XRN2: variants seen among roughly 807,000 people sequenced by gnomAD.
XRN2 encodes DHM1-like protein.
A neutral mutation model predicts 138.5 loss-of-function variants in XRN2; 44 were observed. That is an observed-to-expected ratio of 0.32 (90% CI 0.25 to 0.41). XRN2 has a LOEUF of 0.41. XRN2 is among the 10% of genes least tolerant of loss of function. The pLI is 1.00. For synonymous variants in XRN2, 354 were observed against 369.4 expected (o/e 0.96, Z 0.48); for missense variants, 937 against 1,169.3 (o/e 0.80, Z 2.90).
chr20:21,349,365 T>C, intron 19 of XRN2, 24 bp from the exon 20 acceptor site: 1 of 1,465,454 alleles, frequency 6.8e-7, no homozygotes, highest in Non-Finnish European at 9.5e-7. Context: ...CTGTTTTGAT[T>C]CTTTACTTTT....
chr20:21,375,829 T>TATTTATTTATTTA lies in XRN2; in HGVS notation c.2585-6165_2585-6164insATTTATTTATTTA, dbSNP rs59239603. 2.9e-4 allele frequency among the ~76,000 whole-genome samples: 39 copies of TATTTATTTATTTA among 135,974 alleles called. No individual in the cohort carries two copies. In the East Asian group the frequency reaches 3.6e-3, roughly 13 times the overall value. 89.2% of individuals were successfully genotyped at this position (135,974 alleles called of 152,430 possible). ...AGGTGTTTTTATTTATTTATTTATT[T>TATTTATTTATTTA]TTTATTTATTTATTTATTTATTTAT... On this transcript the variant is annotated intron_variant, in intron 27 of 29. Transcript: ENST00000377191.
chr20:21,380,618 G>A (rs2038873053), intron 27 of XRN2, among the ~76,000 whole-genome samples: 1 of 152,200 alleles, frequency 6.6e-6, no homozygotes, highest in Non-Finnish European at 1.5e-5. Flanking sequence ...TTGACTGCTA[G>A]TAGTTTGGTT....
intron 3 of XRN2, among the ~76,000 whole-genome samples, chr20:21,327,711 CA>C (rs755139236): frequency 1.2e-4 from 19 of 152,278 alleles, no homozygotes; most frequent in East Asian, 7.7e-4. Flanking sequence ...TTTATACACA[CA>C]TTTTTTTGTT....
At chr20:21,362,937 AGAAGGGCT>A (rs993381419) in intron 24 of XRN2, among the ~76,000 whole-genome samples, 2 of 152,144 alleles carry the variant, frequency 1.3e-5, no homozygotes, top group Non-Finnish European at 2.9e-5. Flanking sequence ...ATCCCCATTG[AGAAGGGCT>A]GCTCCAGTAA....
In XRN2 at chr20:21,332,448, C is replaced by T; in HGVS notation, c.858+8C>T. The T allele has an allele frequency of 1.3e-6, 2 of 1,581,214 alleles. No individual in the cohort carries two copies. Among genetic ancestry groups the T allele is most frequent in the Non-Finnish European group, 1.7e-6 (2 of 1,166,416 alleles). Reference sequence around the variant, plus strand: ...AGAGAAAAGAAGGGAAAGGTAAGAACTTTGAGATGGTAGTTGCCTCATTAA... The same window carrying T: ...AGAGAAAAGAAGGGAAAGGTAAGAATTTTGAGATGGTAGTTGCCTCATTAA... On this transcript the variant is annotated splice_region_variant and intron_variant, in intron 9 of 29. Coordinates refer to ENST00000377191, the MANE Select transcript of XRN2 (RefSeq NM_012255.5).
At chr20:21,309,078 T>G (rs1338995262) in intron 1 of XRN2, among the ~76,000 whole-genome samples, 1 of 152,188 alleles carries the variant, frequency 6.6e-6, no homozygotes, top group Non-Finnish European at 1.5e-5. Flanking sequence ...TGCTAAAGTT[T>G]GCTAAAGTTT....
chr20:21,381,546 A>G (rs2038883241), intron 27 of XRN2, among the ~76,000 whole-genome samples: 1 of 152,228 alleles, frequency 6.6e-6, no homozygotes, highest in African/African-American at 2.4e-5. Context: ...AATGAAAGCA[A>G]TTTATGCCTT....
At chr20:21,368,306 T>G (rs997047638) in intron 26 of XRN2, among the ~76,000 whole-genome samples, 157 bp from the exon 27 acceptor site, 5 of 152,268 alleles carry the variant, frequency 3.3e-5, no homozygotes, top group Non-Finnish European at 5.9e-5. Flanking sequence ...TTATGTAGTT[T>G]TGAGCTTTAA....
chr20:21,327,166 TGAGAA>T (rs2038139817), intron 3 of XRN2, among the ~76,000 whole-genome samples: 1 of 152,060 alleles, frequency 6.6e-6, no homozygotes, highest in South Asian at 2.1e-4. Context: ...TGGTTTGAAT[TGAGAA>T]GGGAAGTATA....
At chr20:21,365,881 T>TTATATAATATATAATTATATATATAA (rs1170093078) in intron 26 of XRN2, among the ~76,000 whole-genome samples, 177 bp downstream of exon 26, 18 of 85,226 alleles carry the variant, frequency 2.1e-4, no homozygotes, top group African/African-American at 8.3e-4. Flanking sequence ...ATATATAATA[T>TTATATAATATATAATTATATATATAA]TATATAATAT....
At chr20:21,320,740 A>G (rs1313719423) in intron 1 of XRN2, among the ~76,000 whole-genome samples, 1 of 152,092 alleles carries the variant, frequency 6.6e-6, no homozygotes, top group Non-Finnish European at 1.5e-5. Context: ...GGCTACAGGC[A>G]TGCACCACCA....
intron 13 of XRN2, among the ~76,000 whole-genome samples, chr20:21,336,914 TACAG>T (rs2038302823): frequency 6.6e-6 from 1 of 152,134 alleles, no homozygotes; most frequent in Admixed American, 6.5e-5. Flanking sequence ...GGAAGCACAT[TACAG>T]ACAGAGGGAA....
At chr20:21,333,514 C>T (rs528071593) in intron 9 of XRN2, 30 bp from the exon 10 acceptor site, 82 of 1,604,490 alleles carry the variant, frequency 5.1e-5, no homozygotes, top group Non-Finnish European at 7.0e-5. Flanking sequence ...GTAGAGTAGA[C>T]TTGTTTCATC....
chr20:21,371,602 T>G (rs2038762409), intron 27 of XRN2, among the ~76,000 whole-genome samples: 1 of 152,238 alleles, frequency 6.6e-6, no homozygotes, highest in Admixed American at 6.5e-5. Context: ...GGAGCTATCT[T>G]TGCCCTAAGA....
In XRN2 at chr20:21,389,436, C is replaced by T. The variant is rs1166805274; in HGVS notation, c.*98C>T. The T allele has an allele frequency of 1.8e-6, 2 of 1,103,012 alleles. No individual in the cohort carries two copies. The highest frequency in any genetic ancestry group is 1.6e-5 in the African/African-American group (1 of 62,854). The allele number at this position is 1,103,012 out of a possible 1,614,324, so 68.3% of individuals were successfully genotyped here. A position where few individuals can be genotyped will look rare whatever the true frequency, so the allele number is the denominator to read the frequency against. On this transcript the variant is annotated 3_prime_UTR_variant, in exon 30 of 30. Coordinates refer to ENST00000377191, the MANE Select transcript of XRN2 (RefSeq NM_012255.5). ...CAAGTAGTAGTTTTTAATAAAACTA[C>T]AGTACTTTGTGTATTTCTTTTAACT...
chr20:21,327,907 G>C (rs956740121), intron 3 of XRN2, among the ~76,000 whole-genome samples: 5 of 152,100 alleles, frequency 3.3e-5, no homozygotes, highest in African/African-American at 9.7e-5. Context: ...TTACAATCTA[G>C]TTCACTTTAT....
chr20:21,354,475 T>C (rs2025811), intron 20 of XRN2, among the ~76,000 whole-genome samples: 135,518 of 152,224 alleles, frequency 0.89, 60,643 homozygotes, highest in East Asian at 1. Context: ...AAAGTGAGAA[T>C]ATATTACTGG....
chr20:21,352,002 ACT>A (rs2038516011), intron 20 of XRN2, among the ~76,000 whole-genome samples: 1 of 152,174 alleles, frequency 6.6e-6, no homozygotes, highest in Middle Eastern at 3.2e-3. Flanking sequence ...GTGTCTTCCA[ACT>A]TTATTCATAT....
intron 3 of XRN2, among the ~76,000 whole-genome samples, chr20:21,327,973 T>G (rs557910678): frequency 1.2e-3 from 188 of 152,316 alleles, no homozygotes; most frequent in Non-Finnish European, 2.4e-3. Flanking sequence ...GTACTTCTGG[T>G]TAAGGCATTA....
Sources: allele counts gnomAD v4.1 joint callset (sites outside exome capture counted in the v4.1 genomes callset), GRCh38; gene constraint gnomAD v4.1.1; transcripts MANE v1.5; gene names NCBI Gene and HGNC (gene_info 2026-07-23, HGNC 2026-07-21).